Variants in GIGYF2 observed in about 807,000 individuals in gnomAD.
The protein encoded by GIGYF2 is GRB10 interacting GYF protein 2.
A neutral mutation model predicts 208.1 loss-of-function variants in GIGYF2; 25 were observed. The ratio of observed to expected loss-of-function variants is 0.12; its 90% CI spans 0.09 to 0.17. The LOEUF (loss-of-function observed/expected upper bound fraction) is 0.17. GIGYF2 is among the 10% of genes least tolerant of loss of function. The pLI is 1.00. For synonymous variants in GIGYF2, 534 were observed against 543.8 expected (o/e 0.98, Z 0.25); for missense variants, 1,302 against 1,579.4 (o/e 0.82, Z 2.98).
intron 8 of GIGYF2, chr2:232,766,474 A>G (rs1030814451): frequency 3.9e-5 from 6 of 152,722 alleles, no homozygotes; most frequent in African/African-American, 1.2e-4. Context: ...TAAGTCTTCA[A>G]TACTACTTTA....
chr2:232,854,479 T>G (rs1235844393), intron 28 of GIGYF2, among the ~76,000 whole-genome samples: 1 of 151,996 alleles, frequency 6.6e-6, no homozygotes, highest in Non-Finnish European at 1.5e-5. Context: ...GGCGACAGAG[T>G]GAGACCTTGT....
intron 2 of GIGYF2, among the ~76,000 whole-genome samples, chr2:232,723,927 G>A (rs932324167): frequency 3.3e-5 from 5 of 150,944 alleles, no homozygotes; most frequent in African/African-American, 9.8e-5. Flanking sequence ...CAGTAGAGAC[G>A]GGGTTTCTCC....
chr2:232,855,899 T>G (rs1315602996), intron 28 of GIGYF2, among the ~76,000 whole-genome samples: 1 of 151,106 alleles, frequency 6.6e-6, no homozygotes, highest in Non-Finnish European at 1.5e-5. Context: ...TTTTCTCTGA[T>G]TCTCTGAAGC....
At chr2:232,812,076 C>A (rs566000941) in intron 17 of GIGYF2, among the ~76,000 whole-genome samples, 5 of 152,194 alleles carry the variant, frequency 3.3e-5, no homozygotes, top group South Asian at 2.1e-4. Context: ...TTGAGATGAT[C>A]TGGGTTTTTT....
intron 8 of GIGYF2, among the ~76,000 whole-genome samples, chr2:232,786,065 C>A (rs1252448673): frequency 6.6e-6 from 1 of 152,190 alleles, no homozygotes; most frequent in African/African-American, 2.4e-5. Context: ...TTAGAATGAT[C>A]TTGTCCTTTT....
intron 2 of GIGYF2, among the ~76,000 whole-genome samples, chr2:232,717,844 C>G (rs1264999635): frequency 6.6e-6 from 1 of 151,874 alleles, no homozygotes; most frequent in Non-Finnish European, 1.5e-5. Flanking sequence ...AGAGTGGCAC[C>G]AAGGCATTCA....
At chr2:232,829,402 A>T (rs1235672151) in intron 21 of GIGYF2, among the ~76,000 whole-genome samples, 2 of 152,196 alleles carry the variant, frequency 1.3e-5, no homozygotes, top group East Asian at 3.8e-4. Context: ...TAATAAAAAA[A>T]TTGTATAAGG....
At chr2:232,716,545 A>C (rs1204777057) in intron 2 of GIGYF2, among the ~76,000 whole-genome samples, 1 of 151,686 alleles carries the variant, frequency 6.6e-6, no homozygotes, top group African/African-American at 2.4e-5. Context: ...ACACCTGGCT[A>C]ATTTCTTTTT....
chr2:232,816,651 C>T (rs752252548), intron 19 of GIGYF2, among the ~76,000 whole-genome samples: 20 of 152,026 alleles, frequency 1.3e-4, no homozygotes, highest in African/African-American at 4.3e-4. Flanking sequence ...GATGTTGTAG[C>T]GTATGTCAGA....
chr2:232,845,932 G>C, intron 26 of GIGYF2, 46 bp downstream of exon 26: 2 of 1,326,322 alleles, frequency 1.5e-6, no homozygotes, highest in Non-Finnish European at 2.2e-6. Context: ...GACAGAGCAG[G>C]ACCCACAGAG....
chr2:232,762,362 C>T (rs1437432139), intron 8 of GIGYF2, among the ~76,000 whole-genome samples: 1 of 151,206 alleles, frequency 6.6e-6, no homozygotes, highest in Non-Finnish European at 1.5e-5. Context: ...AAGTGAATCT[C>T]CTGCCTCAGT....
intron 3 of GIGYF2, among the ~76,000 whole-genome samples, chr2:232,741,434 C>CTTTTTTTTTTTTTTT (rs112967383): frequency 6.9e-6 from 1 of 145,134 alleles, no homozygotes; most frequent in Admixed American, 6.9e-5. Flanking sequence ...TCCTGGCTTC[C>CTTTTTTTTTTTTTTT]TTTTTTTTTT....
At position 232,756,206 on chromosome 2, in the gene GIGYF2, T is replaced by G. The variant is rs760103831; in HGVS notation, c.268-17T>G. On this transcript the variant is annotated splice_polypyrimidine_tract_variant and intron_variant, in intron 5 of 28. Transcript: ENST00000373563. ...TTTTTTTCCTTTTTCTCTTTTTTTT[T>G]TTTTTTTTTTTGGCAGAGAAACTTT... 62 of 1,224,940 alleles carry G rather than the reference T, an allele frequency of 5.1e-5. No homozygotes were observed. Among genetic ancestry groups the G allele is most frequent in the Non-Finnish European group, 6.7e-5 (59 of 885,320 alleles). The allele number at this position is 1,224,940 out of a possible 1,614,324, so 75.9% of individuals were successfully genotyped here.
At chr2:232,804,846 TC>T (rs1700511701) in intron 14 of GIGYF2, among the ~76,000 whole-genome samples, 1 of 152,204 alleles carries the variant, frequency 6.6e-6, no homozygotes, top group African/African-American at 2.4e-5. Flanking sequence ...TGAGACTCCC[TC>T]TTTTACCCAT....
chr2:232,779,801 G>A (rs775010257), intron 8 of GIGYF2, among the ~76,000 whole-genome samples: 1 of 152,184 alleles, frequency 6.6e-6, no homozygotes, highest in Non-Finnish European at 1.5e-5. Context: ...CAGGGAGAAA[G>A]TCGTAACTCT....
intron 8 of GIGYF2, among the ~76,000 whole-genome samples, chr2:232,784,622 C>T (rs1317900363): frequency 1.3e-5 from 2 of 151,930 alleles, no homozygotes; most frequent in Non-Finnish European, 2.9e-5. Context: ...CGTGATCTGC[C>T]CGCCTTAGCC....
intron 3 of GIGYF2, among the ~76,000 whole-genome samples, chr2:232,738,411 C>T (rs1051915291): frequency 2.0e-5 from 3 of 152,152 alleles, no homozygotes; most frequent in Admixed American, 1.3e-4. Context: ...CCACCTTAGA[C>T]CTTTCCTGAC....
chr2:232,812,597 G>T (rs1700766127), intron 18 of GIGYF2, 106 bp downstream of exon 18: 1 of 665,564 alleles, frequency 1.5e-6, no homozygotes, highest in African/African-American at 1.8e-5. Context: ...AATCCATTTT[G>T]TATTTGATAT....
At position 232,791,047 on chromosome 2, in the gene GIGYF2, G is replaced by T. The variant is rs1293200603; in HGVS notation, c.970G>T (p.Asp324Tyr). The change falls in exon 11 of 29, where the codon GAC becomes TAC. Residue 324 changes from aspartate to tyrosine, a missense_variant. Physicochemically the swap from Asp to Tyr is radical, Grantham distance 160 (BLOSUM62 -3). Coordinates refer to ENST00000373563, the MANE Select transcript of GIGYF2 (RefSeq NM_001103146.3). Reference sequence around the variant, plus strand: ...GCCTATTCCAGAAGAGCAGGAGATGGACTTCCGGCCTGTGGACGAAGGGGA... The same window carrying T: ...GCCTATTCCAGAAGAGCAGGAGATGTACTTCCGGCCTGTGGACGAAGGGGA... ...KEPIPEEQEMDFRPVDEGEEC... is the reference protein window; with the variant it reads ...KEPIPEEQEMYFRPVDEGEEC... The T allele has an allele frequency of 3.7e-6, 6 of 1,613,950 alleles. No individual in the cohort carries two copies. Among genetic ancestry groups the T allele is most frequent in the South Asian group, 1.1e-5 (1 of 91,086 alleles).
Sources: gnomAD v4.1 joint callset for allele counts (sites outside exome capture counted in the v4.1 genomes callset) on GRCh38, gnomAD v4.1.1 for gene constraint, MANE v1.5 for transcripts, NCBI Gene and HGNC (gene_info 2026-07-23, HGNC 2026-07-21) for gene names.